Variants in ARHGEF12 observed in about 807,000 individuals in gnomAD.
ARHGEF12 encodes KMT2A/ARHGEF12 fusion protein.
In ARHGEF12, 66 loss-of-function variants were observed where a neutral mutation model predicts 211.2. The observed-to-expected ratio is 0.31, with a 90% CI of 0.26 to 0.38. ARHGEF12 has a LOEUF of 0.38. Among genes scored for constraint, ARHGEF12 ranks in the 10% least tolerant of loss-of-function variants. ARHGEF12 has a pLI of 1.00. For synonymous variants in ARHGEF12, 592 were observed against 638.4 expected, an observed-to-expected ratio of 0.93 and a Z score of 1.09; for missense variants, 1,429 against 1,869.5, an observed-to-expected ratio of 0.76 and a Z score of 4.34.
At chr11:120,414,800 C>T (rs1252584344) in intron 4 of ARHGEF12, among the ~76,000 whole-genome samples, 1 of 152,138 alleles carries the variant, frequency 6.6e-6, no homozygotes, top group Non-Finnish European at 1.5e-5. Context: ...CTAAGTTGCC[C>T]AGGCTGTGCT....
chr11:120,347,164 C>T (rs796169100), intron 1 of ARHGEF12, among the ~76,000 whole-genome samples: 24 of 64,216 alleles, frequency 3.7e-4, no homozygotes, highest in South Asian at 7.5e-4. Flanking sequence ...TCCTTCCTTC[C>T]TTCCTTCCTT....
intron 1 of ARHGEF12, among the ~76,000 whole-genome samples, chr11:120,338,551 A>T (rs2135214339): frequency 6.6e-6 from 1 of 152,288 alleles, no homozygotes; most frequent in East Asian, 1.9e-4. Context: ...CAATGAAATA[A>T]TTTTTAACTT....
rs367740056 is a variant in ARHGEF12 at position 120,429,819 on chromosome 11, A to G, written c.771A>G (p.Thr257=). 6.2e-6 allele frequency: 10 copies of G among 1,613,322 alleles called. No homozygotes were observed. Among genetic ancestry groups the G allele is most frequent in the African/African-American group, 1.3e-5 (1 of 74,908 alleles). ...TGCAAGAGCAGTTATCCAAAGCCAC[A>G]GGCTCTGCTCAGGTAGCATCACTAT... ...PQLQEQLSKA[T]GSAQDGAVVT... Residue 257 remains threonine (T), a synonymous_variant, in exon 10 of 41, where the codon ACA becomes ACG. Coordinates refer to ENST00000397843, the MANE Select transcript of ARHGEF12 (RefSeq NM_015313.3).
At chr11:120,433,062 A>C (rs141645463) in intron 11 of ARHGEF12, among the ~76,000 whole-genome samples, 12 of 152,296 alleles carry the variant, frequency 7.9e-5, no homozygotes, top group African/African-American at 2.9e-4. Flanking sequence ...CACGGTGATA[A>C]GGTTTTATGT....
intron 1 of ARHGEF12, among the ~76,000 whole-genome samples, chr11:120,338,024 G>T (rs1000121692): frequency 3.3e-5 from 5 of 152,238 alleles, no homozygotes; most frequent in Admixed American, 3.3e-4. Context: ...TACCAGTGTT[G>T]CATGGTGGTG....
At chr11:120,424,043 T>C (rs1033720681) in intron 6 of ARHGEF12, among the ~76,000 whole-genome samples, 8 of 152,194 alleles carry the variant, frequency 5.3e-5, no homozygotes, top group African/African-American at 1.9e-4. Flanking sequence ...AAGAGATCTT[T>C]TCTATTTGTA....
intron 1 of ARHGEF12, among the ~76,000 whole-genome samples, chr11:120,401,105 A>G (rs1944537773): frequency 6.6e-6 from 1 of 152,158 alleles, no homozygotes. Context: ...TTGGTTCTAT[A>G]TGCTAATAAA....
At chr11:120,344,934 C>G (rs1434898234) in intron 1 of ARHGEF12, among the ~76,000 whole-genome samples, 1 of 152,176 alleles carries the variant, frequency 6.6e-6, no homozygotes, top group Non-Finnish European at 1.5e-5. Flanking sequence ...CCACAAGAGT[C>G]ATGATTAGAA....
chr11:120,397,139 G>A (rs1332023375), intron 1 of ARHGEF12, among the ~76,000 whole-genome samples: 4 of 152,258 alleles, frequency 2.6e-5, no homozygotes, highest in East Asian at 3.9e-4. Context: ...GGTTTTGTTT[G>A]TGTGTTTGTT....
At chr11:120,410,293 GT>G (rs61347520) in intron 4 of ARHGEF12, 85,625 of 143,144 alleles carry the variant, frequency 0.6, 25,947 homozygotes, top group African/African-American at 0.74. Context: ...TTGTTTTGGG[GT>G]TTTTTTTTTT....
At chr11:120,433,522 T>C (rs1304693985) in intron 11 of ARHGEF12, among the ~76,000 whole-genome samples, 1 of 152,246 alleles carries the variant, frequency 6.6e-6, no homozygotes, top group Non-Finnish European at 1.5e-5. Context: ...AGGGACTGTC[T>C]TGTCTGACTT....
At chr11:120,347,978 A>G (rs1459069890) in intron 1 of ARHGEF12, among the ~76,000 whole-genome samples, 1 of 152,222 alleles carries the variant, frequency 6.6e-6, no homozygotes, top group Non-Finnish European at 1.5e-5. Flanking sequence ...GTATAGTACC[A>G]CTATCAAATT....
chr11:120,399,531 A>C (rs1944499419), intron 1 of ARHGEF12, among the ~76,000 whole-genome samples: 1 of 151,828 alleles, frequency 6.6e-6, no homozygotes. Flanking sequence ...GCTTCTTTGT[A>C]CTCAACCAAT....
chr11:120,413,089 C>T (rs889106253), intron 4 of ARHGEF12, among the ~76,000 whole-genome samples: 4 of 152,190 alleles, frequency 2.6e-5, no homozygotes, highest in Non-Finnish European at 4.4e-5. Context: ...TTTGGTCATT[C>T]ACTTGCTAAG....
At chr11:120,359,491 C>A (rs1159662501) in intron 1 of ARHGEF12, among the ~76,000 whole-genome samples, 3 of 152,332 alleles carry the variant, frequency 2.0e-5, no homozygotes, top group Admixed American at 2.0e-4. Context: ...ATCTGCCCAC[C>A]TTGGCCTCCC....
At chr11:120,438,205 A>G (rs1348003137) in intron 12 of ARHGEF12, among the ~76,000 whole-genome samples, 1 of 152,264 alleles carries the variant, frequency 6.6e-6, no homozygotes, top group African/African-American at 2.4e-5. Flanking sequence ...CATAAGGACT[A>G]TTGAAAAATC....
In ARHGEF12 at chr11:120,337,251, G is replaced by A. The variant is rs1565409406; in HGVS notation, c.8G>A (p.Gly3Asp). 3.1e-6 allele frequency: 5 copies of A among 1,614,142 alleles called. No individual in the cohort carries two copies. Among genetic ancestry groups the A allele is most frequent in the Non-Finnish European group, 3.4e-6 (4 of 1,180,034 alleles). Residue 3 changes from glycine (G) to aspartate (D), a missense_variant, in exon 1 of 41, where the codon GGC becomes GAC. This residue lies in a region of ARHGEF12 where 41 missense variants were observed against 48.6 expected (regional missense o/e 0.84). Transcript: ENST00000397843. MS[G>D]TQSTITDRFP... is the part of the protein sequence containing the mutation. ...CTCTCGCCAAGGGCCCCAATGAGTG[G>A]CACACAGTCTACTATCACCGACAGG...
At chr11:120,469,827 G>T (rs1417765830) in intron 30 of ARHGEF12, among the ~76,000 whole-genome samples, 1 of 152,176 alleles carries the variant, frequency 6.6e-6, no homozygotes, top group Non-Finnish European at 1.5e-5. Context: ...ATATAACTAT[G>T]GGGCCTAGCT....
chr11:120,446,996 A>C lies in ARHGEF12; in HGVS notation c.1500A>C (p.Lys500Asn), dbSNP rs147206488. Reference sequence around the variant, plus strand: ...CCTTGGCTGAAAGCGAGCTGACTAAACTTGATGCAGAGCGAGACAAGGACC... The same window carrying C: ...CCTTGGCTGAAAGCGAGCTGACTAACCTTGATGCAGAGCGAGACAAGGACC... ...GLTLAESELT[K>N]LDAERDKDRL... is the part of the protein sequence containing the mutation. Residue 500 changes from lysine to asparagine, a missense_variant, in exon 18 of 41, where the codon AAA becomes AAC. Physicochemically the swap from Lys to Asn is moderately conservative, Grantham distance 94. Transcript: ENST00000397843. 1.2e-6 allele frequency: 2 copies of C among 1,614,208 alleles called. No homozygotes were observed. Among genetic ancestry groups the C allele is most frequent in the Non-Finnish European group, 1.7e-6 (2 of 1,180,028 alleles).
Sources: gnomAD v4.1 joint callset for allele counts (sites outside exome capture counted in the v4.1 genomes callset) on GRCh38, gnomAD v4.1.1 for gene constraint, gnomAD v4.1.1 regional missense constraint, MANE v1.5 for transcripts, NCBI Gene and HGNC (gene_info 2026-07-23, HGNC 2026-07-21) for gene names.